The following NTRK3 variants were observed in gnomAD, a reference collection of about 807,000 sequenced individuals.
NTRK3 encodes NT-3 growth factor receptor.
In NTRK3, 24 loss-of-function variants were observed where a neutral mutation model predicts 91.7. That is an observed-to-expected ratio of 0.26 (90% CI 0.19 to 0.37). The LOEUF is 0.37. NTRK3 is among the 10% of genes least tolerant of loss of function. NTRK3 has a pLI of 1.00. For synonymous variants in NTRK3, 483 were observed against 404.0 expected (o/e 1.20, Z -2.34); for missense variants, 880 against 1,068.9 (o/e 0.82, Z 2.46).
At chr15:88,209,796 T>G (rs1368213204) in intron 3 of NTRK3, among the ~76,000 whole-genome samples, 2 of 152,210 alleles carry the variant, frequency 1.3e-5, no homozygotes, top group African/African-American at 2.4e-5. Flanking sequence ...GTGCCTTCCA[T>G]TGGCCAAACC....
At chr15:87,977,799 T>C (rs556653295) in intron 14 of NTRK3, 1 of 232,468 alleles carries the variant, frequency 4.3e-6, no homozygotes, top group Admixed American at 5.6e-5. Flanking sequence ...ATGGAGGCAT[T>C]TGCAGAATCG....
At chr15:88,032,868 T>C in exon 14 of NTRK3, 2 of 1,613,748 alleles carry the variant, frequency 1.2e-6, no homozygotes, top group Non-Finnish European at 1.7e-6. Flanking sequence ...CGTGTCCGGC[T>C]TGTGGCAGTT....
intron 5 of NTRK3, among the ~76,000 whole-genome samples, chr15:88,160,911 T>G (rs912740095): frequency 3.9e-5 from 6 of 152,190 alleles, no homozygotes; most frequent in Non-Finnish European, 7.3e-5. Flanking sequence ...TTGTGGGACC[T>G]GCCCTGAGAA....
intron 13 of NTRK3, among the ~76,000 whole-genome samples, chr15:88,052,970 C>T (rs2045362811): frequency 6.6e-6 from 1 of 152,094 alleles, no homozygotes; most frequent in South Asian, 2.1e-4. Flanking sequence ...CTTCTTTGAG[C>T]CTTGGTTTCC....
chr15:88,041,506 A>T (rs2079606595), intron 13 of NTRK3, among the ~76,000 whole-genome samples: 1 of 151,930 alleles, frequency 6.6e-6, no homozygotes, highest in Non-Finnish European at 1.5e-5. Flanking sequence ...AGGATGCATC[A>T]CTCCCACGTG....
At chr15:88,175,788 C>T (rs1203724913) in intron 5 of NTRK3, among the ~76,000 whole-genome samples, 1 of 152,126 alleles carries the variant, frequency 6.6e-6, no homozygotes, top group Non-Finnish European at 1.5e-5. Flanking sequence ...GAGATTAAGG[C>T]ATAGATATGT....
intron 3 of NTRK3, among the ~76,000 whole-genome samples, chr15:88,205,304 G>A (rs999144656): frequency 1.3e-5 from 2 of 152,102 alleles, no homozygotes; most frequent in Non-Finnish European, 2.9e-5. Flanking sequence ...TGGGGAAACC[G>A]CAAGCCAGAA....
chr15:87,988,879 T>C (rs1299566433), intron 14 of NTRK3, among the ~76,000 whole-genome samples: 3 of 152,166 alleles, frequency 2.0e-5, no homozygotes, highest in African/African-American at 7.2e-5. Flanking sequence ...ATAACAAACA[T>C]GCTTATCATT....
chr15:88,149,068 G>T (rs1340017900), intron 5 of NTRK3, among the ~76,000 whole-genome samples: 1 of 152,220 alleles, frequency 6.6e-6, no homozygotes, highest in Non-Finnish European at 1.5e-5. Context: ...CAAATTGCCT[G>T]CTGGATTCCT....
chr15:87,907,996 G>C (rs551437340), intron 17 of NTRK3, among the ~76,000 whole-genome samples: 4 of 152,296 alleles, frequency 2.6e-5, no homozygotes, highest in South Asian at 4.1e-4. Context: ...TCAATGGGGA[G>C]ACCTCCAGTT....
At chr15:88,131,779 T>C (rs902409681) in intron 10 of NTRK3, among the ~76,000 whole-genome samples, 2 of 152,202 alleles carry the variant, frequency 1.3e-5, no homozygotes, top group East Asian at 3.9e-4. Flanking sequence ...CATTTATACA[T>C]CCAGAAAGCA....
intron 14 of NTRK3, among the ~76,000 whole-genome samples, chr15:87,956,163 A>G (rs1342466691): frequency 6.6e-6 from 1 of 152,214 alleles, no homozygotes; most frequent in East Asian, 1.9e-4. Context: ...TGCAAGCAAC[A>G]GTCAGATGGA....
chr15:88,116,384 A>G (rs1317032045), intron 13 of NTRK3, among the ~76,000 whole-genome samples: 4 of 152,066 alleles, frequency 2.6e-5, no homozygotes, highest in Admixed American at 2.6e-4. Context: ...CAGGAGTTCG[A>G]GATCAGCCTG....
rs2065247813 is a variant in NTRK3 at position 87,881,477 on chromosome 15, T to G, written c.2134-1049A>C. Among the ~76,000 whole-genome samples, 3 of 152,166 alleles carry G rather than the reference T, an allele frequency of 2.0e-5. No homozygotes were observed. In the South Asian group the frequency reaches 6.2e-4, roughly 32 times the overall value. On this transcript the variant is annotated intron_variant, in intron 17 of 18. Coordinates refer to ENST00000394480, the Ensembl canonical transcript of NTRK3. ...CTTTGTCACCCAAGCTGGAGTGCAG[T>G]GGCGCGATCTCGGCTTACTGCCAGC... is the stretch of plus-strand genomic sequence containing the variant.
intron 14 of NTRK3, among the ~76,000 whole-genome samples, chr15:87,950,264 G>C (rs2070975749): frequency 1.3e-5 from 2 of 152,216 alleles, no homozygotes; most frequent in South Asian, 4.1e-4. Flanking sequence ...AGAAACACCT[G>C]TGAGGACCAC....
chr15:87,887,397 C>G (rs537610041), intron 17 of NTRK3, among the ~76,000 whole-genome samples: 1 of 152,286 alleles, frequency 6.6e-6, no homozygotes, highest in South Asian at 2.1e-4. Context: ...GCACTTAACA[C>G]CCTGTGCACT....
rs552657003 is a variant in NTRK3 at position 87,908,502 on chromosome 15, G to A, written c.2133+20689C>T. 55 of 399,800 alleles carry A rather than the reference G, an allele frequency of 1.4e-4. No homozygotes were observed. In the Middle Eastern group the frequency reaches 1.9e-3, roughly 14 times the overall value. 24.8% of individuals were successfully genotyped at this position (399,800 alleles called of 1,614,324 possible). A position where few individuals can be genotyped will look rare whatever the true frequency, so the allele number is the denominator to read the frequency against. On this transcript the variant is annotated intron_variant, in intron 17 of 18. Coordinates refer to ENST00000394480, the Ensembl canonical transcript of NTRK3. ...ATCCAGACTCACTGTGGAAGCTGCC[G>A]TTGCTGCTAGCCTCTGCCGCTGCCA...
At chr15:88,070,858 A>T (rs2047034261) in intron 13 of NTRK3, among the ~76,000 whole-genome samples, 1 of 152,198 alleles carries the variant, frequency 6.6e-6, no homozygotes, top group African/African-American at 2.4e-5. Context: ...CCAAAAAGAA[A>T]AGCCATAACC....
chr15:88,222,046 G>T (rs770542137), intron 3 of NTRK3, among the ~76,000 whole-genome samples: 58 of 152,246 alleles, frequency 3.8e-4, no homozygotes, highest in Non-Finnish European at 7.8e-4. Flanking sequence ...AGCTAGAAAG[G>T]CCTGTCATAC....
Sources: gnomAD v4.1 joint callset for allele counts (sites outside exome capture counted in the v4.1 genomes callset) on GRCh38, gnomAD v4.1.1 for gene constraint, MANE v1.5 for transcripts, NCBI Gene and HGNC (gene_info 2026-07-23, HGNC 2026-07-21) for gene names.